Variants in ZCWPW2 observed in about 807,000 individuals in gnomAD.
ZCWPW2 encodes zinc finger CW-type PWWP domain protein 2.
ZCWPW2 carries 45 observed loss-of-function variants against 46.6 expected under a neutral mutation model. The ratio of observed to expected loss-of-function variants is 0.96; its 90% CI spans 0.76 to 1.24. The LOEUF (loss-of-function observed/expected upper bound fraction) is 1.24, where lower values mean the gene tolerates loss of function less well. ZCWPW2 is among the 50% of genes most tolerant of loss of function. The pLI, the probability that ZCWPW2 is intolerant of heterozygous loss-of-function variation, is 0.00. For missense variants in ZCWPW2, 429 were observed against 403.9 expected, an observed-to-expected ratio of 1.06 and a Z score of -0.53; for synonymous variants, 152 against 137.1, an observed-to-expected ratio of 1.11 and a Z score of -0.76.
At chr3:28,440,639 A>G (rs1332931698) in intron 4 of ZCWPW2, among the ~76,000 whole-genome samples, 1 of 152,166 alleles carries the variant, frequency 6.6e-6, no homozygotes, top group Non-Finnish European at 1.5e-5. Context: ...TTTTAGGATG[A>G]TGGGGAACAT....
chr3:28,406,275 G>A (rs955339596), intron 2 of ZCWPW2, among the ~76,000 whole-genome samples: 5 of 152,144 alleles, frequency 3.3e-5, no homozygotes, highest in Non-Finnish European at 5.9e-5. Flanking sequence ...GAAGGGTGTG[G>A]CTAAATGACC....
intron 4 of ZCWPW2, chr3:28,447,739 G>A (rs777623717): frequency 1.3e-5 from 8 of 632,324 alleles, no homozygotes; most frequent in Non-Finnish European, 2.4e-5. Flanking sequence ...TCCAGCATTT[G>A]ACATACCATC....
chr3:28,412,874 T>C (rs1696458538), intron 2 of ZCWPW2, among the ~76,000 whole-genome samples, 182 bp from the exon 3 acceptor site: 1 of 152,060 alleles, frequency 6.6e-6, no homozygotes, highest in Non-Finnish European at 1.5e-5. Flanking sequence ...GTTGTTTCTA[T>C]TTTGTTCCTT....
chr3:28,376,886 C>G (rs998301047), intron 1 of ZCWPW2, among the ~76,000 whole-genome samples: 1 of 152,074 alleles, frequency 6.6e-6, no homozygotes, highest in Admixed American at 6.6e-5. Flanking sequence ...TAATCTTAAA[C>G]AGAACTGGAC....
At chr3:28,451,228 G>A (rs1170255990) in intron 4 of ZCWPW2, among the ~76,000 whole-genome samples, 1 of 152,108 alleles carries the variant, frequency 6.6e-6, no homozygotes, top group South Asian at 2.1e-4. Flanking sequence ...CTAAAGATAG[G>A]TAGATCTTTT....
At chr3:28,358,350 A>C (rs890135632) in intron 1 of ZCWPW2, among the ~76,000 whole-genome samples, 1 of 152,136 alleles carries the variant, frequency 6.6e-6, no homozygotes, top group African/African-American at 2.4e-5. Flanking sequence ...GTAGGCACTG[A>C]AATTGGATAT....
intron 1 of ZCWPW2, among the ~76,000 whole-genome samples, chr3:28,384,172 A>C (rs1695193622): frequency 6.6e-6 from 1 of 152,112 alleles, no homozygotes; most frequent in Admixed American, 6.5e-5. Context: ...GTGTTTATTT[A>C]TTTGTTACTA....
chr3:28,420,233 G>T (rs1325172649), intron 3 of ZCWPW2, among the ~76,000 whole-genome samples: 1 of 151,752 alleles, frequency 6.6e-6, no homozygotes, highest in Non-Finnish European at 1.5e-5. Context: ...GTGGCGTTAG[G>T]GTGTCAGTTT....
chr3:28,367,060 A>C (rs1705145062), intron 1 of ZCWPW2, among the ~76,000 whole-genome samples: 1 of 151,978 alleles, frequency 6.6e-6, no homozygotes, highest in Non-Finnish European at 1.5e-5. Context: ...TCTCGCTAGC[A>C]GTCTATCAAT....
chr3:28,503,556 T>A (rs2125826242), intron 6 of ZCWPW2, among the ~76,000 whole-genome samples: 1 of 152,144 alleles, frequency 6.6e-6, no homozygotes, highest in Middle Eastern at 3.4e-3. Context: ...GAATAGGAAT[T>A]TGAATAATGA....
At chr3:28,430,464 G>T (rs774652598) in intron 3 of ZCWPW2, among the ~76,000 whole-genome samples, 2 of 152,188 alleles carry the variant, frequency 1.3e-5, no homozygotes, top group African/African-American at 4.8e-5. Context: ...TAGACAGAAG[G>T]GACTTGCCTT....
At chr3:28,489,665 C>T (rs895822631) in intron 5 of ZCWPW2, among the ~76,000 whole-genome samples, 60 of 59,644 alleles carry the variant, frequency 1.0e-3, no homozygotes, top group Non-Finnish European at 1.6e-3. Flanking sequence ...CACACACACG[C>T]GCGCACACAC....
chr3:28,498,634 G>C (rs140993572), intron 6 of ZCWPW2, among the ~76,000 whole-genome samples: 4 of 151,428 alleles, frequency 2.6e-5, no homozygotes, highest in African/African-American at 9.7e-5. Context: ...CTATTAGACA[G>C]TTAGGATTAG....
intron 1 of ZCWPW2, among the ~76,000 whole-genome samples, chr3:28,378,876 C>G (rs914766701): frequency 1.3e-5 from 2 of 152,070 alleles, no homozygotes. Context: ...ACTACATAAA[C>G]TATAATACAA....
intron 4 of ZCWPW2, among the ~76,000 whole-genome samples, chr3:28,472,052 A>C (rs1222535007): frequency 1.3e-5 from 2 of 152,194 alleles, no homozygotes. Context: ...GAAAACTGTA[A>C]AACATTGATG....
rs568226465 is a variant in ZCWPW2, at chr3:28,504,396, A to C, written c.658-9668A>C. Among the ~76,000 whole-genome samples the C allele has an allele frequency of 6.7e-4, 102 of 151,766 alleles. 1 individual carries two copies. The South Asian group carries it at 8.5e-3, about 13-fold the overall frequency. On this transcript the variant is annotated intron_variant, in intron 6 of 9. Coordinates refer to ENST00000383768, the MANE Select transcript of ZCWPW2 (RefSeq NM_001040432.4). ...TCCTATGTATGAGAGAGATCTTCTT[A>C]TGCATCACACTGAAGGTAAATGCTT... is the stretch of plus-strand genomic sequence containing the variant.
intron 1 of ZCWPW2, among the ~76,000 whole-genome samples, 160 bp downstream of exon 1, chr3:28,349,363 C>T (rs993077712): frequency 2.6e-5 from 4 of 152,152 alleles, no homozygotes; most frequent in Non-Finnish European, 4.4e-5. Context: ...TACGAGCTGA[C>T]GTGGCTGGGA....
chr3:28,497,633 G>A (rs921662599), intron 6 of ZCWPW2, among the ~76,000 whole-genome samples: 1 of 152,086 alleles, frequency 6.6e-6, no homozygotes, highest in African/African-American at 2.4e-5. Context: ...TGAGGAATAA[G>A]TTGTTAAAGT....
At chr3:28,378,570 A>G (rs1054679728) in intron 1 of ZCWPW2, among the ~76,000 whole-genome samples, 1 of 152,136 alleles carries the variant, frequency 6.6e-6, no homozygotes, top group Non-Finnish European at 1.5e-5. Flanking sequence ...TGTTCAGATC[A>G]TTTAACTGAC....
Sources: gnomAD v4.1 joint callset for allele counts (sites outside exome capture counted in the v4.1 genomes callset) on GRCh38, gnomAD v4.1.1 for gene constraint, MANE v1.5 for transcripts, NCBI Gene and HGNC (gene_info 2026-07-23, HGNC 2026-07-21) for gene names.